The following NF2 variants were observed in gnomAD, a reference collection of about 807,000 sequenced individuals.
NF2 encodes merlin.
Under a neutral mutation model 83.7 loss-of-function variants are expected in NF2, and 8 were observed. The observed-to-expected ratio is 0.10, with a 90% CI of 0.06 to 0.17. The LOEUF is 0.17. Ranked by LOEUF, NF2 falls within the 10% of genes least tolerant of loss-of-function variation. The pLI is 1.00. For synonymous variants in NF2, 266 were observed against 269.6 expected, an observed-to-expected ratio of 0.99 and a Z score of 0.13; for missense variants, 533 against 744.4, an observed-to-expected ratio of 0.72 and a Z score of 3.31.
chr22:29,605,861 C>T (rs1192449434), intron 1 of NF2, among the ~76,000 whole-genome samples: 7 of 152,140 alleles, frequency 4.6e-5, no homozygotes, highest in Admixed American at 2.6e-4. Context: ...TGCTTTCTTC[C>T]CAGGAAAAGC....
chr22:29,610,504 A>AT (rs999179282), intron 1 of NF2, among the ~76,000 whole-genome samples: 2 of 151,518 alleles, frequency 1.3e-5, no homozygotes, highest in African/African-American at 4.9e-5. Context: ...TTAGCCGAGC[A>AT]TGGTGGAGTG....
intron 6 of NF2, among the ~76,000 whole-genome samples, chr22:29,657,060 T>C (rs1319609185): frequency 6.6e-6 from 1 of 151,962 alleles, no homozygotes; most frequent in Non-Finnish European, 1.5e-5. Context: ...TATGGAAAAG[T>C]AGACAAATTA....
At chr22:29,647,827 A>T (rs1304329361) in intron 4 of NF2, among the ~76,000 whole-genome samples, 1 of 152,080 alleles carries the variant, frequency 6.6e-6, no homozygotes, top group Non-Finnish European at 1.5e-5. Context: ...TCCTCTTCTG[A>T]GGGAGAGGTA....
intron 15 of NF2, chr22:29,682,994 T>C: frequency 6.2e-7 from 1 of 1,614,190 alleles, no homozygotes; most frequent in Non-Finnish European, 8.5e-7. Flanking sequence ...GTTTTTGTTT[T>C]TCTTCATTTT....
chr22:29,618,309 GGAGA>G (rs201408993), intron 1 of NF2, among the ~76,000 whole-genome samples: 14 of 152,108 alleles, frequency 9.2e-5, no homozygotes, highest in African/African-American at 3.1e-4. Context: ...TGAAAAAAAA[GGAGA>G]GAGAGAGTAC....
chr22:29,636,105 C>G lies in NF2; in HGVS notation c.115-646C>G, dbSNP rs1007011801. 6.6e-6 allele frequency among the ~76,000 whole-genome samples: 1 copy of G among 152,104 alleles called. No individual in the cohort carries two copies. The highest frequency in any genetic ancestry group is 1.5e-5 in the Non-Finnish European group (1 of 68,028). On this transcript the variant is annotated intron_variant, in intron 1 of 15. Coordinates refer to ENST00000338641, the MANE Select transcript of NF2 (RefSeq NM_000268.4). The surrounding 1 kb of genome is among the most constrained non-coding windows in gnomAD (Gnocchi z 4.4). ...ACACTACAGTATATTGATATCTATT[C>G]GTCACCTGGGTTTAGATACCAGGAG...
At chr22:29,631,265 C>T (rs1263821772) in intron 1 of NF2, among the ~76,000 whole-genome samples, 1 of 152,176 alleles carries the variant, frequency 6.6e-6, no homozygotes, top group Non-Finnish European at 1.5e-5. Flanking sequence ...CTCAGGCTGG[C>T]GTGACCTCCC....
intron 13 of NF2, among the ~76,000 whole-genome samples, chr22:29,675,705 T>G (rs1423186438): frequency 2.0e-5 from 3 of 151,910 alleles, no homozygotes; most frequent in Admixed American, 1.3e-4. Context: ...AGGGCACAGA[T>G]GCACACATGG....
At chr22:29,665,766 A>G (rs912812481) in intron 9 of NF2, among the ~76,000 whole-genome samples, 2 of 151,600 alleles carry the variant, frequency 1.3e-5, no homozygotes, top group Non-Finnish European at 1.5e-5. Context: ...AAAAAAAAAA[A>G]AAAAGAAAAA....
chr22:29,603,992 C>G lies in NF2; in HGVS notation c.-7C>G. 6.4e-7 allele frequency: 1 copy of G among 1,571,582 alleles called. No homozygotes were observed. The highest frequency in any genetic ancestry group is 8.6e-7 in the Non-Finnish European group (1 of 1,158,458). ...GGCGCGAGGGTCCCGGGCCTGAGCC[C>G]CGCGCCATGGCCGGGGCCATCGCTT... On this transcript the variant is annotated 5_prime_UTR_variant, in exon 1 of 16. Transcript: ENST00000338641.
intron 1 of NF2, chr22:29,608,815 A>G (rs1467159581): frequency 3.5e-6 from 1 of 287,028 alleles, no homozygotes; most frequent in Non-Finnish European, 6.5e-6. Context: ...AAGAGACACT[A>G]TCTGAATAGA....
intron 8 of NF2, among the ~76,000 whole-genome samples, chr22:29,664,719 A>G (rs973868347): frequency 5.3e-5 from 8 of 152,164 alleles, no homozygotes; most frequent in African/African-American, 1.9e-4. Context: ...TGGGCCCATT[A>G]AGGATGCTTA....
chr22:29,638,130 A>G (rs1290345142), intron 2 of NF2, among the ~76,000 whole-genome samples: 1 of 152,174 alleles, frequency 6.6e-6, no homozygotes, highest in East Asian at 1.9e-4. Flanking sequence ...ATGTCTTGAA[A>G]TTCACTCTGG....
chr22:29,694,880 C>T lies in NF2; in HGVS notation c.*78C>T. ...GGGATGGACCAGATATCAAGAGAGC[C>T]ATCCATAGGGAGCTGGCTGGGGGTT... is the stretch of plus-strand genomic sequence containing the variant. On this transcript the variant is annotated 3_prime_UTR_variant, in exon 16 of 16. Transcript: ENST00000338641. This position sits in a 1 kb window ranked among gnomAD's most constrained non-coding sequence, Gnocchi z 4.1. 6.8e-7 allele frequency: 1 copy of T among 1,465,260 alleles called. No individual in the cohort carries two copies. The highest frequency in any genetic ancestry group is 9.4e-7 in the Non-Finnish European group (1 of 1,061,696). 90.8% of individuals were successfully genotyped at this position (1,465,260 alleles called of 1,614,324 possible).
At chr22:29,620,559 G>A (rs1398475359) in intron 1 of NF2, among the ~76,000 whole-genome samples, 1 of 148,558 alleles carries the variant, frequency 6.7e-6, no homozygotes, top group Non-Finnish European at 1.5e-5. Context: ...GCCAACATGG[G>A]AAAAACTCGT....
At position 29,636,696 on chromosome 22, in the gene NF2, G is replaced by A. The variant is rs2065655937; in HGVS notation, c.115-55G>A. 6.2e-7 allele frequency: 1 copy of A among 1,613,372 alleles called. No homozygotes were observed. The highest frequency in any genetic ancestry group is 8.5e-7 in the Non-Finnish European group (1 of 1,179,428). Reference sequence around the variant, plus strand: ...TGAGAGTGGAGAGTGCAGAGAAAAGGTTTTATTAATGATTTTTGCTCACAG... The same window carrying A: ...TGAGAGTGGAGAGTGCAGAGAAAAGATTTTATTAATGATTTTTGCTCACAG... On this transcript the variant is annotated intron_variant, in intron 1 of 15. Coordinates refer to ENST00000338641, the MANE Select transcript of NF2 (RefSeq NM_000268.4). The surrounding 1 kb of genome is among the most constrained non-coding windows in gnomAD (Gnocchi z 4.4).
Position 29,671,694 on chromosome 22 carries a change from T to C in NF2, c.1000-132T>C. The C allele has an allele frequency of 2.3e-6, 3 of 1,294,460 alleles. No individual in the cohort carries two copies. The South Asian group carries it at 3.8e-5, about 16-fold the overall frequency. 80.2% of individuals were successfully genotyped at this position (1,294,460 alleles called of 1,614,324 possible). On this transcript the variant is annotated intron_variant, in intron 10 of 15. Transcript: ENST00000338641. The stretch of plus-strand genomic sequence containing the variant: ...GGGTGGGGGGCAATAAGAATGACCC[T>C]GGCTACCTAAAGGAAAGGGAAGGAA...
At position 29,644,059 on chromosome 22, in the gene NF2, G is replaced by A. The variant is rs559118663; in HGVS notation, c.447+1774G>A. 7.3e-5 allele frequency among the ~76,000 whole-genome samples: 11 copies of A among 151,394 alleles called. No individual in the cohort carries two copies. In the South Asian group the frequency reaches 2.3e-3, roughly 32 times the overall value. The stretch of plus-strand genomic sequence containing the variant: ...CCCTCCCGGACGGGGTGGCTGCCGG[G>A]CGGAGACGCTCCTCACTTCCCAGAC... On this transcript the variant is annotated intron_variant, in intron 4 of 15. Transcript: ENST00000338641.
At chr22:29,656,305 A>C (rs2066304749) in intron 6 of NF2, among the ~76,000 whole-genome samples, 1 of 150,652 alleles carries the variant, frequency 6.6e-6, no homozygotes, top group South Asian at 2.1e-4. Flanking sequence ...CCCTTTATTG[A>C]TGGCATTTGA....
Sources: allele counts gnomAD v4.1 joint callset (sites outside exome capture counted in the v4.1 genomes callset), GRCh38; gene constraint gnomAD v4.1.1; non-coding constraint Gnocchi (gnomAD v3.1); transcripts MANE v1.5; gene names NCBI Gene and HGNC (gene_info 2026-07-23, HGNC 2026-07-21).